The following PCDHA13 variants were observed in gnomAD, a reference collection of about 807,000 sequenced individuals.
PCDHA13 encodes protocadherin alpha 13.
In PCDHA13, 54 loss-of-function variants were observed where a neutral mutation model predicts 64.8. The observed-to-expected ratio is 0.83, with a 90% CI of 0.67 to 1.04. PCDHA13 has a LOEUF of 1.04. PCDHA13 is among the 50% of genes least tolerant of loss of function. The pLI is 0.00. For missense variants in PCDHA13, 1,248 were observed against 1,254.3 expected (o/e 0.99, Z 0.08); for synonymous variants, 587 against 564.4 (o/e 1.04, Z -0.57).
rs2098415068 is a variant in PCDHA13, at chr5:141,009,865, AAAG to A, written c.2788_2790del (p.Lys930del). The A allele has an allele frequency of 3.1e-6, 5 of 1,614,074 alleles. No homozygotes were observed. The highest frequency in any genetic ancestry group is 4.5e-5 in the East Asian group (2 of 44,872). On this transcript the variant is annotated inframe_deletion, in exon 4 of 4. Transcript: ENST00000289272. ...AGGAGGAGACCAAGAAAAAGAAGAA[AAAG>A]AAGAAGGGTAACAAGACCCAGGAGA...
intron 1 of PCDHA13, among the ~76,000 whole-genome samples, chr5:140,925,953 C>T (rs1438087673): frequency 1.3e-5 from 2 of 152,090 alleles, no homozygotes; most frequent in Non-Finnish European, 2.9e-5. Context: ...GAAGGAGAAA[C>T]TGCTATCACG....
At chr5:140,941,210 T>TCTTCCTTTCTTTCTTC (rs2092851427) in intron 1 of PCDHA13, among the ~76,000 whole-genome samples, 1 of 100,630 alleles carries the variant, frequency 9.9e-6, no homozygotes, top group South Asian at 2.9e-4. Context: ...TTCCTTTCTT[T>TCTTCCTTTCTTTCTTC]CTTCCTTTCT....
intron 1 of PCDHA13, among the ~76,000 whole-genome samples, chr5:140,974,639 G>A (rs896104665): frequency 2.0e-5 from 3 of 152,198 alleles, no homozygotes; most frequent in African/African-American, 7.2e-5. Context: ...AACCTCCCGA[G>A]TAGCTGAGAT....
Position 140,882,304 on chromosome 5 carries a change from G to A in PCDHA13, c.36G>A (p.Arg12=), listed in dbSNP as rs1046715245. The A allele has an allele frequency of 1.2e-6, 2 of 1,613,750 alleles. No individual in the cohort carries two copies. The highest frequency in any genetic ancestry group is 1.7e-6 in the Non-Finnish European group (2 of 1,179,798). The change falls in exon 1 of 4, where the codon CGG becomes CGA. Residue 12 remains arginine (R), a synonymous_variant. Transcript: ENST00000289272. ...CCTGGCAAGGAGGCCCAAGACCGCG[G>A]CAACTACTGCTCTGGCTTCTGATCC... The part of the protein sequence containing the change: ...LSSWQGGPRP[R]QLLLWLLILA...
intron 1 of PCDHA13, among the ~76,000 whole-genome samples, chr5:140,942,620 A>T (rs1304224304): frequency 1.4e-4 from 4 of 28,710 alleles, no homozygotes; most frequent in Admixed American, 3.3e-4. Context: ...TGCCAATTGT[A>T]AAAAAAAAAA....
intron 1 of PCDHA13, among the ~76,000 whole-genome samples, chr5:140,904,491 T>G (rs2071172626): frequency 6.6e-6 from 1 of 151,972 alleles, no homozygotes; most frequent in Non-Finnish European, 1.5e-5. Context: ...TGATTCCAAA[T>G]TTTTACAATT....
chr5:140,967,986 C>A, intron 1 of PCDHA13: 1 of 1,614,226 alleles, frequency 6.2e-7, no homozygotes, highest in Non-Finnish European at 8.5e-7. Flanking sequence ...CTGGAGGCCA[C>A]ACTGCCTTTC....
rs1401667312 is a variant in PCDHA13, at chr5:140,884,317, G to C, written c.2049G>C (p.Ser683=). The C allele has an allele frequency of 9.3e-6, 15 of 1,613,780 alleles. No individual in the cohort carries two copies. Among genetic ancestry groups the C allele is most frequent in the Non-Finnish European group, 1.3e-5 (15 of 1,179,860 alleles). ...CGCCACAGGCTTCGTCGAGGGCGTC[G>C]GCAGGCGCTGTGGGTCCAGAAGCGG... is the stretch of plus-strand genomic sequence containing the variant. ...GQAPQASSRA[S]AGAVGPEAAL... is the part of the protein sequence containing the mutation. The change falls in exon 1 of 4, where the codon TCG becomes TCC. Residue 683 remains serine (S), a synonymous_variant. Transcript: ENST00000289272.
chr5:140,961,155 G>C (rs1214072320), intron 1 of PCDHA13, among the ~76,000 whole-genome samples: 3 of 152,126 alleles, frequency 2.0e-5, no homozygotes, highest in Non-Finnish European at 4.4e-5. Context: ...TATTATTTCA[G>C]TACATATCTA....
chr5:140,966,313 C>G, intron 1 of PCDHA13: 1 of 386,824 alleles, frequency 2.6e-6, no homozygotes. Flanking sequence ...CGTGTTCCTG[C>G]GGTCCGCTGG....
chr5:140,920,002 A>G (rs1260973070), intron 1 of PCDHA13, among the ~76,000 whole-genome samples: 1 of 152,230 alleles, frequency 6.6e-6, no homozygotes, highest in Non-Finnish European at 1.5e-5. Flanking sequence ...CACAGAGGAA[A>G]AGGCCATGCG....
At chr5:140,898,930 G>A (rs2067050521) in intron 1 of PCDHA13, among the ~76,000 whole-genome samples, 1 of 152,054 alleles carries the variant, frequency 6.6e-6, no homozygotes, top group African/African-American at 2.4e-5. Context: ...GGATTCCTAA[G>A]TATTTTATTC....
At chr5:140,948,305 T>C (rs1554218512) in intron 1 of PCDHA13, among the ~76,000 whole-genome samples, 1 of 151,622 alleles carries the variant, frequency 6.6e-6, no homozygotes, top group African/African-American at 2.4e-5. Context: ...ATATCTTTTC[T>C]TCTTGAGGGG....
intron 1 of PCDHA13, among the ~76,000 whole-genome samples, chr5:140,952,804 C>T (rs191550367): frequency 2.6e-5 from 4 of 152,282 alleles, no homozygotes; most frequent in Non-Finnish European, 5.9e-5. Flanking sequence ...GCTCGCAGTT[C>T]TGCAGGCTGT....
chr5:140,974,553 C>G (rs1554236197), intron 1 of PCDHA13, among the ~76,000 whole-genome samples: 1 of 151,870 alleles, frequency 6.6e-6, no homozygotes, highest in African/African-American at 2.4e-5. Context: ...CTCTTGTTGC[C>G]CAGGCTGGAG....
chr5:140,989,509 T>G (rs1554250840), intron 3 of PCDHA13, among the ~76,000 whole-genome samples: 1 of 152,196 alleles, frequency 6.6e-6, no homozygotes, highest in African/African-American at 2.4e-5. Context: ...GCTTATAACC[T>G]GAGTTGAGGG....
intron 3 of PCDHA13, among the ~76,000 whole-genome samples, chr5:140,999,519 G>A (rs1303009823): frequency 6.6e-6 from 1 of 152,074 alleles, no homozygotes; most frequent in Non-Finnish European, 1.5e-5. Context: ...TAAGCATTTT[G>A]TTACCCCCTG....
intron 1 of PCDHA13, among the ~76,000 whole-genome samples, chr5:140,948,620 T>TTAA (rs1422284059): frequency 6.6e-6 from 1 of 151,716 alleles, no homozygotes; most frequent in African/African-American, 2.4e-5. Context: ...CACAAAGTTG[T>TTAA]TAATAATATT....
chr5:140,966,894 A>G, intron 1 of PCDHA13: 1 of 1,596,438 alleles, frequency 6.3e-7, no homozygotes, highest in Non-Finnish European at 8.5e-7. Flanking sequence ...GCGGCCTCCC[A>G]GCTGCGATAC....
Sources: gnomAD v4.1 joint callset for allele counts (sites outside exome capture counted in the v4.1 genomes callset) on GRCh38, gnomAD v4.1.1 for gene constraint, MANE v1.5 for transcripts, NCBI Gene and HGNC (gene_info 2026-07-23, HGNC 2026-07-21) for gene names.